Variants in PELI2 observed in about 807,000 individuals in gnomAD.
The protein encoded by PELI2 is pellino E3 ubiquitin protein ligase family member 2.
A neutral mutation model predicts 42.3 loss-of-function variants in PELI2; 23 were observed. That is an observed-to-expected ratio of 0.54 (90% CI 0.39 to 0.77). PELI2 has a LOEUF of 0.77. PELI2 is among the 30% of genes least tolerant of loss of function. PELI2 has a pLI of 0.00. For synonymous variants in PELI2, 245 were observed against 212.2 expected (o/e 1.15, Z -1.34); for missense variants, 463 against 553.2 (o/e 0.84, Z 1.64).
rs1221702303 is a variant in PELI2, at chr14:56,219,180, G to C, written c.207+40716G>C. ...TTTTTGGATGACTTGAGGACAATAA[G>C]GTGTTTGTTTATTTATTTATTTATT... On this transcript the variant is annotated intron_variant, in intron 2 of 5. Transcript: ENST00000267460. This position sits in a 1 kb window ranked among gnomAD's most constrained non-coding sequence, Gnocchi z 4.1. 1.3e-5 allele frequency among the ~76,000 whole-genome samples: 2 copies of C among 151,464 alleles called. No homozygotes were observed. Among genetic ancestry groups the C allele is most frequent in the Non-Finnish European group, 2.9e-5 (2 of 67,938 alleles).
At chr14:56,256,905 G>A (rs756908220) in intron 2 of PELI2, among the ~76,000 whole-genome samples, 6 of 152,160 alleles carry the variant, frequency 3.9e-5, no homozygotes, top group Non-Finnish European at 5.9e-5. Context: ...GTGTGCTACT[G>A]GAAGTTGCCA....
intron 1 of PELI2, among the ~76,000 whole-genome samples, chr14:56,168,983 C>T (rs568407047): frequency 1.3e-3 from 193 of 152,226 alleles, no homozygotes; most frequent in Middle Eastern, 3.4e-3. Flanking sequence ...GGAGTTAGGG[C>T]CTGGAATGGG....
intron 2 of PELI2, among the ~76,000 whole-genome samples, chr14:56,227,035 A>G (rs1887382394): frequency 6.6e-6 from 1 of 152,266 alleles, no homozygotes; most frequent in African/African-American, 2.4e-5. Context: ...GGCAATTTTC[A>G]GGAATGTGTC....
chr14:56,194,572 G>A (rs912080115), intron 2 of PELI2, among the ~76,000 whole-genome samples: 1 of 152,210 alleles, frequency 6.6e-6, no homozygotes, highest in African/African-American at 2.4e-5. Context: ...ATTCATGCCT[G>A]TTAGATGTGA....
rs532482408 is a variant in PELI2 at position 56,224,674 on chromosome 14, A to G, written c.207+46210A>G. Reference sequence around the variant, plus strand: ...GCTCACAAAAGCAAATCAGAATTTAATATATTTTTTGTGTAATAGTTTGAT... The same window carrying G: ...GCTCACAAAAGCAAATCAGAATTTAGTATATTTTTTGTGTAATAGTTTGAT... On this transcript the variant is annotated intron_variant, in intron 2 of 5. Transcript: ENST00000267460. Among the ~76,000 whole-genome samples the G allele has an allele frequency of 5.3e-5, 8 of 152,316 alleles. No homozygotes were observed. The South Asian group carries it at 1.7e-3, about 32-fold the overall frequency.
In PELI2 at chr14:56,288,013, G is replaced by T. The variant is rs1396608487; in HGVS notation, c.310-424G>T. On this transcript the variant is annotated intron_variant, in intron 3 of 5. Coordinates refer to ENST00000267460, the MANE Select transcript of PELI2 (RefSeq NM_021255.3). This position sits in a 1 kb window ranked among gnomAD's most constrained non-coding sequence, Gnocchi z 4.6. The stretch of plus-strand genomic sequence containing the variant: ...TCCAAGAGATAAAATCTGATGAGTG[G>T]CCAAAGATCTACTCCTGTCCTCTTA... Among the ~76,000 whole-genome samples, 1 of 152,048 alleles carries T rather than the reference G, an allele frequency of 6.6e-6. No individual in the cohort carries two copies. Among genetic ancestry groups the T allele is most frequent in the East Asian group, 1.9e-4 (1 of 5,180 alleles).
chr14:56,267,133 C>T (rs149078509), intron 2 of PELI2, among the ~76,000 whole-genome samples: 2 of 152,162 alleles, frequency 1.3e-5, no homozygotes, highest in East Asian at 3.9e-4. Flanking sequence ...AACTTGTGTA[C>T]ATATTACCTT....
chr14:56,251,881 C>T (rs1888356740), intron 2 of PELI2, among the ~76,000 whole-genome samples: 1 of 152,146 alleles, frequency 6.6e-6, no homozygotes, highest in South Asian at 2.1e-4. Context: ...AATTTGTATT[C>T]ATCTTGGATT....
intron 2 of PELI2, among the ~76,000 whole-genome samples, chr14:56,269,182 T>A (rs752162170): frequency 2.0e-5 from 3 of 152,194 alleles, no homozygotes; most frequent in Non-Finnish European, 4.4e-5. Context: ...GGCTCACACC[T>A]ATAGTCCCGG....
At chr14:56,128,119 C>G (rs1883345836) in intron 1 of PELI2, among the ~76,000 whole-genome samples, 1 of 152,168 alleles carries the variant, frequency 6.6e-6, no homozygotes, top group Non-Finnish European at 1.5e-5. Context: ...TAAGCACTAT[C>G]TAAACATACA....
chr14:56,148,669 C>T (rs1470920670), intron 1 of PELI2, among the ~76,000 whole-genome samples: 2 of 152,210 alleles, frequency 1.3e-5, no homozygotes, highest in Admixed American at 6.5e-5. Context: ...CTCCTCTCCT[C>T]CTTTCTTCTG....
chr14:56,126,279 G>A (rs1883255916), intron 1 of PELI2, among the ~76,000 whole-genome samples: 2 of 152,212 alleles, frequency 1.3e-5, no homozygotes, highest in Middle Eastern at 3.4e-3. Context: ...GAAATACTGT[G>A]GCATACAAGC....
chr14:56,172,560 T>A (rs1160901597), intron 1 of PELI2, among the ~76,000 whole-genome samples: 2 of 151,584 alleles, frequency 1.3e-5, no homozygotes, highest in African/African-American at 4.8e-5. Context: ...GGAGGGGAGG[T>A]TGGTTGGTGT....
chr14:56,142,238 A>G (rs995908885), intron 1 of PELI2, among the ~76,000 whole-genome samples: 4 of 152,222 alleles, frequency 2.6e-5, no homozygotes, highest in Non-Finnish European at 5.9e-5. Context: ...GAATCAAGAC[A>G]TGCCACTTCT....
chr14:56,299,986 G>A lies in PELI2; in HGVS notation c.*2820G>A, dbSNP rs1417259272. ...TTTTATTAATAATCGGTGCTGCCGG[G>A]TCATGCATGCTGCAACTCTCAACAT... On this transcript the variant is annotated 3_prime_UTR_variant, in exon 6 of 6. Coordinates refer to ENST00000267460, the MANE Select transcript of PELI2 (RefSeq NM_021255.3). The A allele has an allele frequency of 6.6e-6, 1 of 152,586 alleles. No homozygotes were observed. Among genetic ancestry groups the A allele is most frequent in the African/African-American group, 2.4e-5 (1 of 41,430 alleles). The allele number at this position is 152,586 out of a possible 1,614,324, so 9.5% of individuals were successfully genotyped here. A position where few individuals can be genotyped will look rare whatever the true frequency, so the allele number is the denominator to read the frequency against.
intron 2 of PELI2, among the ~76,000 whole-genome samples, chr14:56,193,315 C>T (rs763475564): frequency 9.2e-5 from 14 of 152,094 alleles, no homozygotes; most frequent in Non-Finnish European, 1.8e-4. Flanking sequence ...TCTATTACCT[C>T]GATCAGTTGA....
At chr14:56,236,257 C>T (rs1887790542) in intron 2 of PELI2, among the ~76,000 whole-genome samples, 1 of 152,222 alleles carries the variant, frequency 6.6e-6, no homozygotes, top group Non-Finnish European at 1.5e-5. Context: ...CTGGTACCCA[C>T]ATAGCGTTAT....
Position 56,297,458 on chromosome 14 carries a change from C to A in PELI2, c.*292C>A. ...TCTATTTTTAACCTTGGGTTTTTAA[C>A]CAAGTTTTTTTTTTTTTGTAATCTT... On this transcript the variant is annotated 3_prime_UTR_variant, in exon 6 of 6. Transcript: ENST00000267460. 3.8e-6 allele frequency: 1 copy of A among 262,024 alleles called. No individual in the cohort carries two copies. Among genetic ancestry groups the A allele is most frequent in the Non-Finnish European group, 6.9e-6 (1 of 144,500 alleles). 16.2% of individuals were successfully genotyped at this position (262,024 alleles called of 1,614,324 possible). A position where few individuals can be genotyped will look rare whatever the true frequency, so the allele number is the denominator to read the frequency against.
chr14:56,291,822 C>T (rs1443845271), intron 5 of PELI2, among the ~76,000 whole-genome samples: 1 of 152,160 alleles, frequency 6.6e-6, no homozygotes, highest in Non-Finnish European at 1.5e-5. Flanking sequence ...GAAGATGTGG[C>T]GTGAAGTTAA....
Sources: allele counts gnomAD v4.1 joint callset (sites outside exome capture counted in the v4.1 genomes callset), GRCh38; gene constraint gnomAD v4.1.1; non-coding constraint Gnocchi (gnomAD v3.1); transcripts MANE v1.5; gene names NCBI Gene and HGNC (gene_info 2026-07-23, HGNC 2026-07-21).